The following MNT variants were observed in gnomAD, a reference collection of about 807,000 sequenced individuals.
MNT encodes max-binding protein MNT.
In MNT, 13 loss-of-function variants were observed where a neutral mutation model predicts 40.7. That is an observed-to-expected ratio of 0.32 (90% confidence interval 0.21 to 0.51). The LOEUF (loss-of-function observed/expected upper bound fraction) is 0.51, where lower values mean the gene tolerates loss of function less well. MNT is among the 20% of genes least tolerant of loss of function. The pLI, the probability that MNT is intolerant of heterozygous loss-of-function variation, is 0.98. For missense variants in MNT, 757 were observed against 792.0 expected, an observed-to-expected ratio of 0.96 and a Z score of 0.53; for synonymous variants, 426 against 354.8, an observed-to-expected ratio of 1.20 and a Z score of -2.26.
Position 2,386,958 on chromosome 17 carries a change from G to T in MNT, c.1692C>A (p.Asn564Lys). 3 of 1,518,924 alleles carry T rather than the reference G, an allele frequency of 2.0e-6. No homozygotes were observed. Among genetic ancestry groups the T allele is most frequent in the Non-Finnish European group, 1.8e-6 (2 of 1,130,896 alleles). 94.1% of individuals were successfully genotyped at this position (1,518,924 alleles called of 1,614,324 possible). A position where few individuals can be genotyped will look rare whatever the true frequency, so the allele number is the denominator to read the frequency against. The part of the protein sequence containing the change: ...HPQLVGQTVL[N>K]PVTMVTMPSF... ...AGGGCATGGTGACCATGGTCACAGG[G>T]TTGAGCACGGTCTGGCCCACCAGCT... Residue 564 changes from asparagine (N) to lysine (K), a missense_variant, in exon 6 of 6, where the codon AAC becomes AAA. Physicochemically the swap from Asn to Lys is moderately conservative, Grantham distance 94 (BLOSUM62 0). This residue lies in a region of MNT where 345 missense variants were observed against 380.1 expected (regional missense o/e 0.91). Coordinates refer to ENST00000174618, the MANE Select transcript of MNT (RefSeq NM_020310.3).
At chr17:2,390,215 C>T (rs957251358) in intron 4 of MNT, 1 of 152,286 alleles carries the variant, frequency 6.6e-6, no homozygotes, top group Non-Finnish European at 1.5e-5. Flanking sequence ...AGGGGAAGGA[C>T]CTGGAAGAGT....
intron 1 of MNT, among the ~76,000 whole-genome samples, chr17:2,397,876 G>A (rs551181527): frequency 3.1e-4 from 47 of 152,304 alleles, no homozygotes; most frequent in African/African-American, 7.5e-4. Context: ...GACAGGGTGC[G>A]CCCCCTCACA....
Position 2,395,370 on chromosome 17 carries a change from A to G in MNT, c.158T>C (p.Leu53Pro). Reference sequence around the variant, plus strand: ...CTCCATGCGGGGTTCCTCCACAGGAAGGGTATGTGCCAGCCTGGCCAGGCT... The same window carrying G: ...CTCCATGCGGGGTTCCTCCACAGGAGGGGTATGTGCCAGCCTGGCCAGGCT... ...ANSLARLAHT[L>P]PVEEPRMEAP... is the part of the protein sequence containing the mutation. The change falls in exon 2 of 6, where the codon CTT (leucine) becomes CCT (proline). Residue 53 changes from leucine to proline, a missense_variant. Coordinates refer to ENST00000174618, the MANE Select transcript of MNT (RefSeq NM_020310.3). 1 of 1,613,362 alleles carries G rather than the reference A, an allele frequency of 6.2e-7. No individual in the cohort carries two copies. Among genetic ancestry groups the G allele is most frequent in the Non-Finnish European group, 8.5e-7 (1 of 1,179,844 alleles).
At chr17:2,393,335 G>A (rs1274167287) in intron 4 of MNT, among the ~76,000 whole-genome samples, 1 of 152,164 alleles carries the variant, frequency 6.6e-6, no homozygotes, top group African/African-American at 2.4e-5. Context: ...CACTGCAGAG[G>A]GAGCGACGCC....
intron 1 of MNT, among the ~76,000 whole-genome samples, chr17:2,395,966 T>C (rs2066575736): frequency 6.6e-6 from 1 of 152,188 alleles, no homozygotes; most frequent in African/African-American, 2.4e-5. Flanking sequence ...AAGCACTTTC[T>C]AGAGGGCAGG....
At position 2,395,401 on chromosome 17, in the gene MNT, C is replaced by CCTT; in HGVS notation, c.124_126dup (p.Lys42dup). The CCTT allele has an allele frequency of 6.2e-7, 1 of 1,613,620 alleles. No homozygotes were observed. The highest frequency in any genetic ancestry group is 1.1e-5 in the South Asian group (1 of 91,070). ...TGTGCCAGCCTGGCCAGGCTATTGG[C>CCTT]CTTCTTCTGTTCCTGCTCTCGCTCC... On this transcript the variant is annotated inframe_insertion, in exon 2 of 6. Transcript: ENST00000174618.
chr17:2,392,314 T>G (rs2066523390), intron 4 of MNT, among the ~76,000 whole-genome samples: 1 of 152,170 alleles, frequency 6.6e-6, no homozygotes, highest in Non-Finnish European at 1.5e-5. Flanking sequence ...AGAATGGGTG[T>G]CCCTTCTGCA....
At chr17:2,397,314 G>A (rs912434180) in intron 1 of MNT, among the ~76,000 whole-genome samples, 2 of 152,074 alleles carry the variant, frequency 1.3e-5, no homozygotes, top group Non-Finnish European at 2.9e-5. Flanking sequence ...CTTCTCAGTC[G>A]GGCACAGCCT....
At chr17:2,390,209 G>A (rs1189830172) in intron 4 of MNT, 1 of 152,278 alleles carries the variant, frequency 6.6e-6, no homozygotes, top group African/African-American at 2.4e-5. Context: ...AGCCCCAGGG[G>A]AAGGACCTGG....
intron 3 of MNT, 56 bp from the exon 4 acceptor site, chr17:2,394,210 G>T (rs2151670223): frequency 6.3e-7 from 1 of 1,599,480 alleles, no homozygotes; most frequent in East Asian, 2.3e-5. Context: ...TGGGACGGGG[G>T]GAGGCAGGAC....
chr17:2,400,791 G>A lies in MNT; in HGVS notation c.-79C>T. 7.8e-7 allele frequency: 1 copy of A among 1,286,070 alleles called. No homozygotes were observed. 79.7% of individuals were successfully genotyped at this position (1,286,070 alleles called of 1,614,324 possible). On this transcript the variant is annotated 5_prime_UTR_variant, in exon 1 of 6. Coordinates refer to ENST00000174618, the MANE Select transcript of MNT (RefSeq NM_020310.3). Reference sequence around the variant, plus strand: ...GGGCACAGGTCAGGCTGGCGGGCAGGCAGGAGGGAGGGATCACCTCCGGGG... The same window carrying A: ...GGGCACAGGTCAGGCTGGCGGGCAGACAGGAGGGAGGGATCACCTCCGGGG...
Position 2,386,632 on chromosome 17 carries a change from C to T in MNT, c.*269G>A, listed in dbSNP as rs1156965274. 1.7e-5 allele frequency: 7 copies of T among 415,564 alleles called. No homozygotes were observed. Among genetic ancestry groups the T allele is most frequent in the South Asian group, 7.0e-5 (1 of 14,264 alleles). 25.7% of individuals were successfully genotyped at this position (415,564 alleles called of 1,614,324 possible). On this transcript the variant is annotated 3_prime_UTR_variant, in exon 6 of 6. Transcript: ENST00000174618. ...CGAGGGTAGGGAGGGGAAGCAGGAG[C>T]GGCACTGGAGCTGGCACTGGGCCGG...
At chr17:2,394,755 G>A in intron 2 of MNT, 120 bp downstream of exon 2, 1 of 690,874 alleles carries the variant, frequency 1.4e-6, no homozygotes, top group Non-Finnish European at 2.5e-6. Context: ...GCACAGTGAT[G>A]ACGTGTTCAA....
chr17:2,389,204 T>C (rs1367705327), intron 4 of MNT: 1 of 152,304 alleles, frequency 6.6e-6, no homozygotes, highest in Non-Finnish European at 1.5e-5. Flanking sequence ...ACCGTTTTTT[T>C]CGAGGCTGGT....
chr17:2,393,112 G>A (rs970471150), intron 4 of MNT, among the ~76,000 whole-genome samples: 1 of 151,140 alleles, frequency 6.6e-6, no homozygotes, highest in Non-Finnish European at 1.5e-5. Flanking sequence ...TCAGAGGATG[G>A]ACAGGGAGAG....
intron 1 of MNT, chr17:2,396,503 T>A (rs990790571): frequency 2.6e-5 from 4 of 152,372 alleles, no homozygotes; most frequent in African/African-American, 7.2e-5. Flanking sequence ...GCAGCGACCA[T>A]TTCTCCCAAA....
chr17:2,388,888 G>A (rs548505015), intron 4 of MNT, among the ~76,000 whole-genome samples: 4 of 152,204 alleles, frequency 2.6e-5, no homozygotes, highest in South Asian at 2.1e-4. Context: ...TGTCCACCAG[G>A]CAACGCCGAC....
In MNT at chr17:2,400,642, C is replaced by G; in HGVS notation, c.71G>C (p.Arg24Pro). The change falls in exon 1 of 6, where the codon CGT (arginine) becomes CCT (proline). Residue 24 changes from arginine to proline, a missense_variant and splice_region_variant. Coordinates refer to ENST00000174618, the MANE Select transcript of MNT (RefSeq NM_020310.3). The stretch of plus-strand genomic sequence containing the variant: ...AGGGGCCCAGCCCGGCCGCTCACCA[C>G]GTGCTCTCTGTTGTTGCTGCGCTTG... ...EWQAQQQQRA[R>P]EEQERLRLEQ... The G allele has an allele frequency of 6.3e-7, 1 of 1,584,170 alleles. No homozygotes were observed. Among genetic ancestry groups the G allele is most frequent in the Non-Finnish European group, 8.6e-7 (1 of 1,168,612 alleles).
chr17:2,393,089 C>T (rs2066536907), intron 4 of MNT, among the ~76,000 whole-genome samples: 1 of 152,010 alleles, frequency 6.6e-6, no homozygotes, highest in South Asian at 2.1e-4. Flanking sequence ...GCCGCGCCGC[C>T]CCCGGAGCTT....
Sources: gnomAD v4.1 joint callset for allele counts (sites outside exome capture counted in the v4.1 genomes callset) on GRCh38, gnomAD v4.1.1 for gene constraint, gnomAD v4.1.1 regional missense constraint, MANE v1.5 for transcripts, NCBI Gene and HGNC (gene_info 2026-07-23, HGNC 2026-07-21) for gene names.